Variants in PDE9A observed in about 807,000 individuals in gnomAD.
PDE9A encodes the protein phosphodiesterase 9A.
A neutral mutation model predicts 87.4 loss-of-function variants in PDE9A; 60 were observed. That is an observed-to-expected ratio of 0.69 (90% CI 0.56 to 0.85). The LOEUF is 0.85. PDE9A is among the 40% of genes least tolerant of loss of function. PDE9A has a pLI of 0.00. For missense variants in PDE9A, 665 were observed against 779.0 expected (o/e 0.85, Z 1.74); for synonymous variants, 272 against 279.4 (o/e 0.97, Z 0.27).
chr21:42,758,661 T>G (rs926183183), intron 10 of PDE9A: 1 of 265,430 alleles, frequency 3.8e-6, no homozygotes, highest in Non-Finnish European at 7.3e-6. Context: ...TGGTGCAGTG[T>G]TTTGTGAACG....
At chr21:42,746,567 AC>A (rs776308160) in intron 8 of PDE9A, among the ~76,000 whole-genome samples, 1 of 152,242 alleles carries the variant, frequency 6.6e-6, no homozygotes, top group Non-Finnish European at 1.5e-5. Flanking sequence ...CTCCAGGATG[AC>A]ATCCCCTTAA....
At chr21:42,677,051 G>A (rs1354154476) in intron 1 of PDE9A, among the ~76,000 whole-genome samples, 3 of 152,210 alleles carry the variant, frequency 2.0e-5, no homozygotes, top group Admixed American at 1.3e-4. Flanking sequence ...CCTGGGGAAG[G>A]GTAGTGTGAT....
intron 17 of PDE9A, 57 bp downstream of exon 17, chr21:42,769,212 C>G (rs1042110670): frequency 2.0e-6 from 3 of 1,499,602 alleles, no homozygotes; most frequent in Non-Finnish European, 2.8e-6. Context: ...TGCATGCACA[C>G]ACAGGCACAC....
chr21:42,754,186 G>GAAAAA (rs11411040), intron 10 of PDE9A, 122 bp downstream of exon 10: 1 of 499,704 alleles, frequency 2.0e-6, no homozygotes, highest in Admixed American at 3.5e-5. Flanking sequence ...TTTAAAGACT[G>GAAAAA]AAAAAAAAAA....
Position 42,732,061 on chromosome 21 carries a change from G to T in PDE9A, c.443-9G>T. On this transcript the variant is annotated splice_polypyrimidine_tract_variant and intron_variant, in intron 5 of 19. Transcript: ENST00000291539. ...CGTGTTCCATCTGTCTTTCTTCTTT[G>T]GTTTGTAGAGAGAGAAGAATTAATC... The T allele has an allele frequency of 1.9e-6, 3 of 1,614,070 alleles. No individual in the cohort carries two copies. Among genetic ancestry groups the T allele is most frequent in the Non-Finnish European group, 2.5e-6 (3 of 1,179,892 alleles).
chr21:42,746,683 C>T (rs2053883534), intron 8 of PDE9A, among the ~76,000 whole-genome samples: 1 of 152,214 alleles, frequency 6.6e-6, no homozygotes, highest in Admixed American at 6.5e-5. Flanking sequence ...CAGCCCATAA[C>T]ACACCACGTG....
chr21:42,657,239 C>T lies in PDE9A; in HGVS notation c.69+3356C>T, dbSNP rs377606876. Reference sequence around the variant, plus strand: ...TCCACCCAGCCAGCAGCATCTGCACCGGCCTGTTCCCGTCATCTGTTCCTT... The same window carrying T: ...TCCACCCAGCCAGCAGCATCTGCACTGGCCTGTTCCCGTCATCTGTTCCTT... On this transcript the variant is annotated intron_variant, in intron 1 of 19. Coordinates refer to ENST00000291539, the MANE Select transcript of PDE9A (RefSeq NM_002606.3). 2.6e-5 allele frequency among the ~76,000 whole-genome samples: 4 copies of T among 152,244 alleles called. No individual in the cohort carries two copies. In the East Asian group the frequency reaches 5.8e-4, roughly 22 times the overall value.
At chr21:42,769,566 A>G (rs1177230676) in intron 17 of PDE9A, among the ~76,000 whole-genome samples, 9 of 134,168 alleles carry the variant, frequency 6.7e-5, no homozygotes, top group South Asian at 2.5e-4. Flanking sequence ...AGGCACACAC[A>G]CACACACACA....
At chr21:42,654,503 C>T (rs2056899841) in intron 1 of PDE9A, among the ~76,000 whole-genome samples, 1 of 152,144 alleles carries the variant, frequency 6.6e-6, no homozygotes, top group Non-Finnish European at 1.5e-5. Context: ...TTGTTCGTGG[C>T]CCCCTCTGAC....
chr21:42,671,687 G>A (rs1241994938), intron 1 of PDE9A, among the ~76,000 whole-genome samples: 1 of 152,190 alleles, frequency 6.6e-6, no homozygotes, highest in Non-Finnish European at 1.5e-5. Flanking sequence ...TAGATAACTT[G>A]CAATGTTTCT....
At chr21:42,765,052 A>T (rs2056258169) in intron 14 of PDE9A, among the ~76,000 whole-genome samples, 1 of 145,526 alleles carries the variant, frequency 6.9e-6, no homozygotes, top group African/African-American at 2.6e-5. Flanking sequence ...AATGGATGGA[A>T]GGGTGGATGG....
intron 1 of PDE9A, among the ~76,000 whole-genome samples, chr21:42,656,054 C>T (rs1451680575): frequency 2.0e-5 from 3 of 152,240 alleles, no homozygotes; most frequent in Non-Finnish European, 4.4e-5. Flanking sequence ...AGAGCACTTT[C>T]AGTGCCGCTG....
Position 42,759,132 on chromosome 21 carries a change from T to C in PDE9A, c.897+47T>C, listed in dbSNP as rs748179044. 5.4e-5 allele frequency: 75 copies of C among 1,397,288 alleles called. 5 individuals carry two copies. In the South Asian group the frequency reaches 8.2e-4, roughly 15 times the overall value. 86.6% of individuals were successfully genotyped at this position (1,397,288 alleles called of 1,614,324 possible). On this transcript the variant is annotated intron_variant, in intron 11 of 19. Transcript: ENST00000291539. The surrounding 1 kb of genome is among the most constrained non-coding windows in gnomAD (Gnocchi z 7.2). ...GGTTCTTCCTGGGCACGTGGTTTCATCCAGTTCCACAGGAATGGAGGGAAT... is the reference window on the plus strand; with the variant it reads ...GGTTCTTCCTGGGCACGTGGTTTCACCCAGTTCCACAGGAATGGAGGGAAT...
chr21:42,674,316 C>CTTTTTTTTTTTTTT (rs34238765), intron 1 of PDE9A, among the ~76,000 whole-genome samples: 5 of 134,608 alleles, frequency 3.7e-5, no homozygotes, highest in Admixed American at 7.4e-5. Context: ...TTTAGACATT[C>CTTTTTTTTTTTTTT]TTTTTTTTTT....
At position 42,739,619 on chromosome 21, in the gene PDE9A, T is replaced by C. The variant is rs1382460513; in HGVS notation, c.569-4157T>C. ...CTTCATAAACTTAATTGCCACAAATTCTGCATCTCTGGGATGCAAACTAGT... is the reference window on the plus strand; with the variant it reads ...CTTCATAAACTTAATTGCCACAAATCCTGCATCTCTGGGATGCAAACTAGT... On this transcript the variant is annotated intron_variant, in intron 7 of 19. Coordinates refer to ENST00000291539, the MANE Select transcript of PDE9A (RefSeq NM_002606.3). The surrounding 1 kb of genome is among the most constrained non-coding windows in gnomAD (Gnocchi z 4.1). Among the ~76,000 whole-genome samples the C allele has an allele frequency of 6.6e-6, 1 of 152,192 alleles. No individual in the cohort carries two copies. The highest frequency in any genetic ancestry group is 1.5e-5 in the Non-Finnish European group (1 of 68,038).
chr21:42,768,996 C>T (rs1390829872), intron 16 of PDE9A, 31 bp from the exon 17 acceptor site: 1 of 1,589,292 alleles, frequency 6.3e-7, no homozygotes, highest in East Asian at 2.2e-5. Context: ...ATTTCTGTCT[C>T]TAATGTCACT....
At chr21:42,698,891 G>T in intron 3 of PDE9A, 77 bp from the exon 4 acceptor site, 1 of 845,996 alleles carries the variant, frequency 1.2e-6, no homozygotes, top group South Asian at 1.7e-5. Flanking sequence ...TAATCATGCC[G>T]AGTGCTTATC....
At position 42,682,841 on chromosome 21, in the gene PDE9A, G is replaced by A. The variant is rs185188307; in HGVS notation, c.70-3351G>A. On this transcript the variant is annotated intron_variant, in intron 1 of 19. Transcript: ENST00000291539. ...ACGCACGTCTCTCAGGCTTAGGCTCGGTTGCATAAACCTTCCCCAATTTTA... is the reference window on the plus strand; with the variant it reads ...ACGCACGTCTCTCAGGCTTAGGCTCAGTTGCATAAACCTTCCCCAATTTTA... 2.0e-3 allele frequency among the ~76,000 whole-genome samples: 302 copies of A among 152,302 alleles called. 1 individual carries two copies. Among genetic ancestry groups the A allele is most frequent in the African/African-American group, 6.0e-3 (248 of 41,538 alleles).
chr21:42,773,963 G>A (rs1178751570), intron 19 of PDE9A, among the ~76,000 whole-genome samples: 1 of 151,492 alleles, frequency 6.6e-6, no homozygotes, highest in East Asian at 1.9e-4. Context: ...AAATTAGCCG[G>A]GCGTGGTGGT....
Sources: gnomAD v4.1 joint callset for allele counts (sites outside exome capture counted in the v4.1 genomes callset) on GRCh38, gnomAD v4.1.1 for gene constraint, Gnocchi (gnomAD v3.1) non-coding constraint, MANE v1.5 for transcripts, NCBI Gene and HGNC (gene_info 2026-07-23, HGNC 2026-07-21) for gene names.